Variants in GTPBP4 observed in about 807,000 individuals in gnomAD.
GTPBP4 encodes the protein GTP-binding protein 4.
Under a neutral mutation model 81.7 loss-of-function variants are expected in GTPBP4, and 15 were observed. That is an observed-to-expected ratio of 0.18 (90% confidence interval 0.12 to 0.28). GTPBP4 has a LOEUF of 0.28. Among genes scored for constraint, GTPBP4 ranks in the 10% least tolerant of loss-of-function variants. GTPBP4 has a pLI of 1.00. For synonymous variants in GTPBP4, 272 were observed against 274.6 expected (o/e 0.99, Z 0.09); for missense variants, 847 against 793.8 (o/e 1.07, Z -0.81).
At chr10:989,136 T>A (rs1410602439) in intron 1 of GTPBP4, among the ~76,000 whole-genome samples, 28 of 122,064 alleles carry the variant, frequency 2.3e-4, no homozygotes, top group Admixed American at 7.5e-4. Context: ...TTTTTTTTTT[T>A]TGAGACATAG....
At chr10:1,002,752 G>A (rs1027804090) in intron 8 of GTPBP4, among the ~76,000 whole-genome samples, 30 of 152,138 alleles carry the variant, frequency 2.0e-4, no homozygotes, top group South Asian at 1.0e-3. Flanking sequence ...GTCTCCTGGC[G>A]TGCAAGGTTT....
At chr10:1,010,760 C>G (rs1324602713) in intron 13 of GTPBP4, among the ~76,000 whole-genome samples, 9 of 128,818 alleles carry the variant, frequency 7.0e-5, no homozygotes, top group Non-Finnish European at 1.0e-4. Flanking sequence ...CCACCCCGGA[C>G]ACTCTGGTGG....
intron 1 of GTPBP4, among the ~76,000 whole-genome samples, chr10:992,135 T>G (rs955007294): frequency 6.7e-6 from 1 of 149,462 alleles, no homozygotes; most frequent in Non-Finnish European, 1.5e-5. Flanking sequence ...GCGTGGTGGC[T>G]CACACCTGTA....
intron 11 of GTPBP4, among the ~76,000 whole-genome samples, 165 bp from the exon 12 acceptor site, chr10:1,009,364 C>T (rs1192137827): frequency 6.6e-6 from 1 of 152,148 alleles, no homozygotes; most frequent in East Asian, 1.9e-4. Flanking sequence ...AAGGCTGGCC[C>T]CGCAGACAGG....
At chr10:1,013,538 A>T (rs1178550634) in intron 14 of GTPBP4, among the ~76,000 whole-genome samples, 1 of 152,028 alleles carries the variant, frequency 6.6e-6, no homozygotes, top group Non-Finnish European at 1.5e-5. Context: ...TGAACCCGGG[A>T]GGCAGAGCTT....
intron 1 of GTPBP4, among the ~76,000 whole-genome samples, chr10:989,506 C>G (rs936796580): frequency 1.3e-5 from 2 of 152,174 alleles, no homozygotes; most frequent in African/African-American, 4.8e-5. Flanking sequence ...CAACTGGAGC[C>G]TCCCAGGGAC....
intron 14 of GTPBP4, 35 bp downstream of exon 14, chr10:1,012,697 GT>G: frequency 6.6e-7 from 1 of 1,514,576 alleles, no homozygotes; most frequent in Non-Finnish European, 9.1e-7. Context: ...GTGTGATCTA[GT>G]TTTTGAAAAT....
chr10:1,017,029 T>C (rs368457605), intron 16 of GTPBP4, 46 bp from the exon 17 acceptor site: 27 of 1,512,052 alleles, frequency 1.8e-5, no homozygotes, highest in Non-Finnish European at 2.5e-5. Context: ...AATGGAAAAT[T>C]GGTTTTAAGT....
chr10:1,015,192 T>G (rs78110323), intron 15 of GTPBP4, among the ~76,000 whole-genome samples: 1 of 152,368 alleles, frequency 6.6e-6, no homozygotes, highest in African/African-American at 2.4e-5. Flanking sequence ...ATAAGAATAT[T>G]TGACCAACAA....
In GTPBP4 at chr10:1,017,508, G is replaced by C. The variant is rs559447052; in HGVS notation, c.*281G>C. ...CTGGGAAGATTTACTGGTTTAACTA[G>C]GTTGTTTTTGATGGAGAAAAACCTT... On this transcript the variant is annotated 3_prime_UTR_variant, in exon 17 of 17. Transcript: ENST00000360803. 1.0e-5 allele frequency: 3 copies of C among 289,830 alleles called. No homozygotes were observed. The highest frequency in any genetic ancestry group is 1.9e-5 in the Non-Finnish European group (3 of 157,918). The allele number at this position is 289,830 out of a possible 1,614,324, so 18.0% of individuals were successfully genotyped here.
chr10:990,371 CTG>C (rs1831420521), intron 1 of GTPBP4, among the ~76,000 whole-genome samples: 1 of 151,850 alleles, frequency 6.6e-6, no homozygotes, highest in Admixed American at 6.6e-5. Context: ...GCATCGGGTA[CTG>C]TGTTACAAAA....
intron 16 of GTPBP4, 129 bp downstream of exon 16, chr10:1,016,025 C>A: frequency 1.2e-6 from 1 of 822,900 alleles, no homozygotes; most frequent in Non-Finnish European, 2.0e-6. Context: ...TGCATGCCCT[C>A]GTTTTGTGGC....
intron 6 of GTPBP4, among the ~76,000 whole-genome samples, chr10:1,000,093 TAA>T (rs1831598870): frequency 6.6e-6 from 1 of 152,198 alleles, no homozygotes; most frequent in Non-Finnish European, 1.5e-5. Flanking sequence ...ATGTCGCTGG[TAA>T]AAAGAGGAGT....
chr10:995,515 A>C (rs1462532209), intron 2 of GTPBP4, among the ~76,000 whole-genome samples: 1 of 150,894 alleles, frequency 6.6e-6, no homozygotes, highest in East Asian at 1.9e-4. Context: ...AAGAGAGGGA[A>C]TTGGAAGGAT....
chr10:1,019,287 A>C lies in GTPBP4; in HGVS notation c.*2060A>C. ...TATAAAATGGAAATTGGGACAAAGG[A>C]AATGTTAAATTTCCTCCCTGCAACC... On this transcript the variant is annotated 3_prime_UTR_variant, in exon 17 of 17. Coordinates refer to ENST00000360803, the MANE Select transcript of GTPBP4 (RefSeq NM_012341.3). 1 of 496,576 alleles carries C rather than the reference A, an allele frequency of 2.0e-6. No homozygotes were observed. Among genetic ancestry groups the C allele is most frequent in the Non-Finnish European group, 3.6e-6 (1 of 278,880 alleles). The allele number at this position is 496,576 out of a possible 1,614,324, so 30.8% of individuals were successfully genotyped here. A position where few individuals can be genotyped will look rare whatever the true frequency, so the allele number is the denominator to read the frequency against.
intron 13 of GTPBP4, among the ~76,000 whole-genome samples, chr10:1,011,969 A>G (rs1831885302): frequency 1.3e-5 from 2 of 152,206 alleles, no homozygotes. Flanking sequence ...TCGTACAGGC[A>G]CATCTGCCTG....
intron 2 of GTPBP4, among the ~76,000 whole-genome samples, chr10:994,190 G>A (rs1009213052): frequency 6.6e-6 from 1 of 152,220 alleles, no homozygotes; most frequent in African/African-American, 2.4e-5. Context: ...TGAGTGAATG[G>A]TTTCTTGGGA....
intron 6 of GTPBP4, 99 bp from the exon 7 acceptor site, chr10:1,000,576 TTA>T: frequency 3.8e-6 from 2 of 529,082 alleles, no homozygotes; most frequent in Non-Finnish European, 6.2e-6. Context: ...TGCTGTAAGA[TTA>T]TTAGGTCTGG....
intron 5 of GTPBP4, among the ~76,000 whole-genome samples, chr10:998,780 T>G (rs980082026): frequency 6.6e-6 from 1 of 151,466 alleles, no homozygotes; most frequent in African/African-American, 2.4e-5. Flanking sequence ...TGAGGGGAGG[T>G]GGTGGCTGTC....
Sources: gnomAD v4.1 joint callset for allele counts (sites outside exome capture counted in the v4.1 genomes callset) on GRCh38, gnomAD v4.1.1 for gene constraint, MANE v1.5 for transcripts, NCBI Gene and HGNC (gene_info 2026-07-23, HGNC 2026-07-21) for gene names.